The following CERS6 variants were observed in gnomAD, a reference collection of about 807,000 sequenced individuals.
CERS6 encodes LAG1 homolog, ceramide synthase 6.
A neutral mutation model predicts 56.8 loss-of-function variants in CERS6; 26 were observed. The observed-to-expected ratio is 0.46, with a 90% CI of 0.34 to 0.63. The LOEUF (loss-of-function observed/expected upper bound fraction) is 0.63. Ranked by LOEUF, CERS6 falls within the 30% of genes least tolerant of loss-of-function variation. The pLI, the probability that CERS6 is intolerant of heterozygous loss-of-function variation, is 0.01. For synonymous variants in CERS6, 164 were observed against 173.3 expected (o/e 0.95, Z 0.42); for missense variants, 415 against 467.5 (o/e 0.89, Z 1.04).
At chr2:168,460,535 G>T (rs558121459) in intron 1 of CERS6, among the ~76,000 whole-genome samples, 1 of 152,126 alleles carries the variant, frequency 6.6e-6, no homozygotes, top group African/African-American at 2.4e-5. Flanking sequence ...TGTAGTCAAT[G>T]GTTTTGTTTC....
At chr2:168,714,152 C>T (rs1192322651) in intron 6 of CERS6, among the ~76,000 whole-genome samples, 6 of 152,258 alleles carry the variant, frequency 3.9e-5, no homozygotes, top group Middle Eastern at 3.4e-3. Context: ...TCTGGGGTCC[C>T]TTTTACAAGG....
chr2:168,744,351 G>A (rs1684033218), intron 8 of CERS6, among the ~76,000 whole-genome samples: 1 of 151,974 alleles, frequency 6.6e-6, no homozygotes, highest in South Asian at 2.1e-4. Flanking sequence ...TGAACTACAT[G>A]TGGGTGGAGA....
intron 1 of CERS6, among the ~76,000 whole-genome samples, chr2:168,514,156 T>G (rs1289994139): frequency 6.6e-6 from 1 of 152,250 alleles, no homozygotes; most frequent in Non-Finnish European, 1.5e-5. Flanking sequence ...GAAAGCTTTT[T>G]GACAGTTTAG....
intron 1 of CERS6, among the ~76,000 whole-genome samples, chr2:168,460,667 G>A (rs1415418445): frequency 2.0e-5 from 3 of 152,192 alleles, no homozygotes; most frequent in Non-Finnish European, 2.9e-5. Context: ...CAATTGTTCC[G>A]TTTCCTTAGA....
chr2:168,605,735 TG>T (rs757700409), intron 3 of CERS6, among the ~76,000 whole-genome samples: 2 of 152,198 alleles, frequency 1.3e-5, no homozygotes, highest in South Asian at 4.1e-4. Flanking sequence ...CAGCTTGAGA[TG>T]TTGCTTCAGG....
chr2:168,467,950 G>T (rs1558960703), intron 1 of CERS6, among the ~76,000 whole-genome samples: 1 of 152,208 alleles, frequency 6.6e-6, no homozygotes, highest in East Asian at 1.9e-4. Context: ...GCTGGACCTG[G>T]AGGATTTACT....
intron 3 of CERS6, among the ~76,000 whole-genome samples, chr2:168,584,147 C>T (rs1683485534): frequency 6.6e-6 from 1 of 152,206 alleles, no homozygotes; most frequent in South Asian, 2.1e-4. Context: ...CCTAAGTAAT[C>T]AAAGCTGCTT....
intron 1 of CERS6, among the ~76,000 whole-genome samples, chr2:168,529,986 T>C (rs915677328): frequency 6.6e-6 from 1 of 151,576 alleles, no homozygotes; most frequent in Non-Finnish European, 1.5e-5. Flanking sequence ...GTAGAGGCGC[T>C]GAAGGCCTGC....
chr2:168,485,658 C>A (rs1694263310), intron 1 of CERS6, among the ~76,000 whole-genome samples: 1 of 152,092 alleles, frequency 6.6e-6, no homozygotes, highest in Non-Finnish European at 1.5e-5. Flanking sequence ...AAGGTTCTCC[C>A]ATGTTTTTTC....
At chr2:168,766,226 C>T (rs1684726256) in intron 9 of CERS6, 3 of 1,158,026 alleles carry the variant, frequency 2.6e-6, no homozygotes, top group African/African-American at 1.5e-5. Context: ...TCCTAAGCCT[C>T]AGCCCCAACC....
intron 3 of CERS6, among the ~76,000 whole-genome samples, chr2:168,598,207 A>C (rs888372208): frequency 6.6e-6 from 1 of 152,204 alleles, no homozygotes; most frequent in Non-Finnish European, 1.5e-5. Flanking sequence ...TCAAACTGGC[A>C]TTGATTGAAG....
chr2:168,515,529 T>A (rs980693093), intron 1 of CERS6, among the ~76,000 whole-genome samples: 17 of 152,206 alleles, frequency 1.1e-4, no homozygotes, highest in African/African-American at 3.9e-4. Context: ...CACTTTAAGT[T>A]CATTGCTAAA....
intron 8 of CERS6, among the ~76,000 whole-genome samples, chr2:168,731,452 C>A (rs963518022): frequency 6.6e-6 from 1 of 151,998 alleles, no homozygotes; most frequent in South Asian, 2.1e-4. Context: ...AGAGTATTTC[C>A]ATTAATCAAG....
At chr2:168,738,242 A>G (rs1472028592) in intron 8 of CERS6, among the ~76,000 whole-genome samples, 3 of 152,202 alleles carry the variant, frequency 2.0e-5, no homozygotes, top group Non-Finnish European at 2.9e-5. Flanking sequence ...GCTTACAGCT[A>G]TTAGCACAGG....
chr2:168,515,408 A>T (rs1035905387), intron 1 of CERS6, among the ~76,000 whole-genome samples: 6 of 152,160 alleles, frequency 3.9e-5, no homozygotes, highest in Admixed American at 2.0e-4. Context: ...TGTGGGAAAA[A>T]AAAAAAGGAA....
intron 8 of CERS6, among the ~76,000 whole-genome samples, chr2:168,722,921 A>G (rs1683222121): frequency 6.6e-6 from 1 of 152,134 alleles, no homozygotes; most frequent in African/African-American, 2.4e-5. Flanking sequence ...CCCTGTGTAG[A>G]TGGTTCCAGC....
At chr2:168,491,196 CA>C (rs963601562) in intron 1 of CERS6, among the ~76,000 whole-genome samples, 5 of 152,146 alleles carry the variant, frequency 3.3e-5, no homozygotes, top group African/African-American at 1.2e-4. Context: ...TGAAAGAAAA[CA>C]GGGTTACCAC....
rs372427426 is a variant in CERS6, at chr2:168,458,792, T to C, written c.170+2174T>C. Among the ~76,000 whole-genome samples the C allele has an allele frequency of 5.9e-5, 9 of 152,260 alleles. No homozygotes were observed. In the East Asian group the frequency reaches 7.7e-4, roughly 13 times the overall value. ...ACTTTGTTTCTTCCTATGATAGCTC[T>C]GTCTTTAACCATTCAGACCTTCTCA... On this transcript the variant is annotated intron_variant, in intron 1 of 9. Coordinates refer to ENST00000305747, the MANE Select transcript of CERS6 (RefSeq NM_203463.3).
Position 168,571,282 on chromosome 2 carries a change from C to T in CERS6, c.407+9960C>T, listed in dbSNP as rs560278212. Among the ~76,000 whole-genome samples the T allele has an allele frequency of 1.1e-3, 162 of 152,106 alleles. 1 individual carries two copies. Among genetic ancestry groups the T allele is most frequent in the Non-Finnish European group, 1.8e-3 (124 of 68,006 alleles). On this transcript the variant is annotated intron_variant, in intron 3 of 9. Transcript: ENST00000305747. Reference sequence around the variant, plus strand: ...GCTGGAGTGTTTGATTTCCTCCTGGCTATTCGCCTTGCGGTTATTAGCTCA... The same window carrying T: ...GCTGGAGTGTTTGATTTCCTCCTGGTTATTCGCCTTGCGGTTATTAGCTCA...
Sources: gnomAD v4.1 joint callset for allele counts (sites outside exome capture counted in the v4.1 genomes callset) on GRCh38, gnomAD v4.1.1 for gene constraint, MANE v1.5 for transcripts, NCBI Gene and HGNC (gene_info 2026-07-23, HGNC 2026-07-21) for gene names.